The following ACTMAP variants were observed in gnomAD, a reference collection of about 807,000 sequenced individuals.
ACTMAP encodes UPF0692 protein C19orf54.
the ACTMAP span, among the ~76,000 whole-genome samples, chr19:40,747,698 A>T: frequency 1.3e-5 from 2 of 152,020 alleles, no homozygotes; most frequent in East Asian, 3.9e-4. Context: ...TCTACAAAAA[A>T]ATATATATGT....
At chr19:40,749,841 C>T in the ACTMAP span, 156 of 1,349,446 alleles carry the variant, frequency 1.2e-4, no homozygotes, top group Admixed American at 1.8e-3. Context: ...GTTCAGAAAG[C>T]GGGGAGGGAA....
the ACTMAP span, chr19:40,742,787 G>A: frequency 1.9e-6 from 3 of 1,591,184 alleles, no homozygotes; most frequent in South Asian, 1.1e-5. Flanking sequence ...GAGAGGAGAA[G>A]GTGGTGAGTG....
the ACTMAP span, chr19:40,741,257 C>T: frequency 8.8e-5 from 30 of 341,036 alleles, 1 homozygote; most frequent in Admixed American, 1.2e-3. Context: ...GCCTGGCCAA[C>T]ATGGCAAAGC....
chr19:40,749,952 GGCTAATATT>G, the ACTMAP span: 9 of 595,274 alleles, frequency 1.5e-5, no homozygotes, highest in African/African-American at 1.8e-4. Context: ...AAAGGACCAG[GGCTAATATT>G]TGAAACCACG....
chr19:40,744,185 C>G, the ACTMAP span: 2 of 1,582,812 alleles, frequency 1.3e-6, no homozygotes, highest in Non-Finnish European at 1.7e-6. Context: ...GCCAGCCTGC[C>G]CATATCGGCC....
chr19:40,749,399 C>CG, the ACTMAP span: 2 of 1,376,884 alleles, frequency 1.5e-6, no homozygotes, highest in East Asian at 5.1e-5. Context: ...CTTGAGGACA[C>CG]GGGAACCCCC....
At chr19:40,747,033 C>T in the ACTMAP span, among the ~76,000 whole-genome samples, 1 of 151,256 alleles carries the variant, frequency 6.6e-6, no homozygotes, top group Non-Finnish European at 1.5e-5. Context: ...TCTCAAACTC[C>T]TGGCCTCAGG....
At chr19:40,747,259 G>A in the ACTMAP span, among the ~76,000 whole-genome samples, 13 of 152,080 alleles carry the variant, frequency 8.5e-5, no homozygotes, top group East Asian at 1.9e-4. Flanking sequence ...CATGGAGGCC[G>A]GGTGCAGCAG....
the ACTMAP span, chr19:40,744,630 CCACTGGGGGGCGA>C: frequency 6.2e-7 from 1 of 1,613,776 alleles, no homozygotes; most frequent in Non-Finnish European, 8.5e-7. Flanking sequence ...CAGGGGGACG[CCACTGGGGGGCGA>C]CAGGAGAGTA....
chr19:40,742,779 G>A, the ACTMAP span: 2 of 1,600,224 alleles, frequency 1.2e-6, no homozygotes, highest in Non-Finnish European at 8.5e-7. Flanking sequence ...CCCTGGGGGA[G>A]AGGAGAAGGT....
At chr19:40,744,472 C>G in the ACTMAP span, 2 of 1,554,040 alleles carry the variant, frequency 1.3e-6, no homozygotes, top group African/African-American at 1.4e-5. Flanking sequence ...AATGAGACAC[C>G]CTGACACACG....
chr19:40,749,820 G>A, the ACTMAP span: 1 of 1,408,904 alleles, frequency 7.1e-7, no homozygotes, highest in Non-Finnish European at 9.3e-7. Flanking sequence ...GTCTACAGGA[G>A]GTGTTGAGAG....
chr19:40,741,002 C>T, the ACTMAP span: 8,898 of 398,644 alleles, frequency 0.022, 131 homozygotes, highest in Non-Finnish European at 0.028. Context: ...GGCGGCTATT[C>T]TTGTGCCTGG....
At chr19:40,743,662 G>A in the ACTMAP span, among the ~76,000 whole-genome samples, 2 of 152,208 alleles carry the variant, frequency 1.3e-5, no homozygotes, top group African/African-American at 2.4e-5. Context: ...CAGAGTCACA[G>A]AGCCTAGAAG....
At chr19:40,750,259 C>A in the ACTMAP span, 1 of 153,326 alleles carries the variant, frequency 6.5e-6, no homozygotes. Flanking sequence ...ACATCCCAGG[C>A]CCGAGTTCGG....
the ACTMAP span, chr19:40,749,640 G>C: frequency 1.2e-5 from 18 of 1,549,528 alleles, no homozygotes; most frequent in Non-Finnish European, 1.4e-5. Flanking sequence ...CAGTGGGAGC[G>C]GTGGGGGAAC....
At chr19:40,744,780 C>T in the ACTMAP span, 8 of 1,448,890 alleles carry the variant, frequency 5.5e-6, no homozygotes, top group Admixed American at 1.8e-4. Context: ...GGAGGAGTCC[C>T]CCTCCCCTCT....
At chr19:40,750,456 GA>G in the ACTMAP span, 1,576 of 152,368 alleles carry the variant, frequency 0.01, 22 homozygotes, top group East Asian at 0.04. Context: ...AAGGAGTCAG[GA>G]AGTAAAGTGC....
At chr19:40,749,519 T>C in the ACTMAP span, 6 of 1,550,622 alleles carry the variant, frequency 3.9e-6, no homozygotes, top group African/African-American at 6.9e-5. Flanking sequence ...TCACATCTTC[T>C]CTGCCCTTGG....
Sources: allele counts gnomAD v4.1 joint callset (sites outside exome capture counted in the v4.1 genomes callset), GRCh38; gene constraint gnomAD v4.1.1; transcripts MANE v1.5; gene names NCBI Gene and HGNC (gene_info 2026-07-23, HGNC 2026-07-21).